The following XRCC1 variants were observed in gnomAD, a reference collection of about 807,000 sequenced individuals.
XRCC1 encodes the protein DNA repair protein XRCC1.
In XRCC1, 52 loss-of-function variants were observed where a neutral mutation model predicts 83.3. The ratio of observed to expected loss-of-function variants is 0.62; its 90% CI spans 0.50 to 0.79. The LOEUF is 0.79. XRCC1 is among the 30% of genes least tolerant of loss of function. The pLI is 0.00. For synonymous variants in XRCC1, 281 were observed against 312.6 expected (o/e 0.90, Z 1.07); for missense variants, 793 against 823.5 (o/e 0.96, Z 0.45).
chr19:43,545,406 C>T (rs1972498160), intron 14 of XRCC1, among the ~76,000 whole-genome samples: 1 of 152,224 alleles, frequency 6.6e-6, no homozygotes, highest in South Asian at 2.1e-4. Context: ...AAAGCAGACA[C>T]TGGTGTGCAC....
chr19:43,546,167 T>C lies in XRCC1; in HGVS notation c.1427-61A>G. ...TGTCTCCTGGGAAGACTGGCAGCTC[T>C]CCCAGTATGGCACAGACCCAGGCAT... is the stretch of plus-strand genomic sequence containing the variant. On this transcript the variant is annotated intron_variant, in intron 12 of 16. Coordinates refer to ENST00000262887, the MANE Select transcript of XRCC1 (RefSeq NM_006297.3). 3.1e-6 allele frequency: 5 copies of C among 1,593,092 alleles called. No homozygotes were observed. In the South Asian group the frequency reaches 5.5e-5, roughly 18 times the overall value.
rs145342527 is a variant in XRCC1, at chr19:43,543,471, C to T, written c.1823G>A (p.Arg608His). Residue 608 changes from arginine to histidine, a missense_variant, in exon 17 of 17, where the codon CGT becomes CAT. Coordinates refer to ENST00000262887, the MANE Select transcript of XRCC1 (RefSeq NM_006297.3). ...LMDNPSLAFVRPRWIYSCNEK... is the reference protein window; with the variant it reads ...LMDNPSLAFVHPRWIYSCNEK... ...ATTGCAACTGTAGATCCATCGGGGA[C>T]GAACGAATGCCAGGGAGGGGTTGTC... is the stretch of plus-strand genomic sequence containing the variant. 2.2e-5 allele frequency: 36 copies of T among 1,613,364 alleles called. No homozygotes were observed. The highest frequency in any genetic ancestry group is 2.0e-4 in the East Asian group (9 of 44,844).
intron 10 of XRCC1, 148 bp from the exon 11 acceptor site, chr19:43,547,125 G>A (rs964731909): frequency 1.8e-4 from 140 of 785,254 alleles, no homozygotes; most frequent in Non-Finnish European, 2.6e-4. Flanking sequence ...AGCTCAGGAA[G>A]GCCCCAGTGA....
intron 3 of XRCC1, among the ~76,000 whole-genome samples, chr19:43,559,344 A>G (rs565816414): frequency 1.3e-4 from 20 of 151,158 alleles, no homozygotes; most frequent in East Asian, 5.9e-4. Context: ...TTAGCCGGGC[A>G]TGGTGGCACG....
intron 3 of XRCC1, among the ~76,000 whole-genome samples, chr19:43,560,490 G>C (rs1972687049): frequency 6.6e-6 from 1 of 152,150 alleles, no homozygotes; most frequent in African/African-American, 2.4e-5. Context: ...TAGAGTGACA[G>C]GAGTGCTGGC....
At chr19:43,564,853 C>G (rs896256433) in intron 2 of XRCC1, among the ~76,000 whole-genome samples, 5 of 151,998 alleles carry the variant, frequency 3.3e-5, no homozygotes, top group Non-Finnish European at 7.4e-5. Context: ...AAGTCTGAAA[C>G]TCGGCCTTAC....
chr19:43,574,882 TGAG>T (rs1332846433), intron 2 of XRCC1, 25 bp downstream of exon 2: 9 of 1,584,090 alleles, frequency 5.7e-6, no homozygotes, highest in Non-Finnish European at 7.8e-6. Flanking sequence ...AGACTCCTAG[TGAG>T]GAGGAGGTGG....
intron 3 of XRCC1, among the ~76,000 whole-genome samples, chr19:43,559,411 T>C (rs1378545011): frequency 5.0e-5 from 6 of 120,402 alleles, no homozygotes; most frequent in Non-Finnish European, 9.6e-5. Context: ...ACCCGGGAGG[T>C]GGAGCTTGCA....
At chr19:43,555,758 T>A (rs772445865) in intron 3 of XRCC1, among the ~76,000 whole-genome samples, 3 of 152,242 alleles carry the variant, frequency 2.0e-5, no homozygotes, top group African/African-American at 4.8e-5. Flanking sequence ...TGGTTCTTTC[T>A]ATCAAATTAT....
chr19:43,563,684 T>C (rs1260444564), intron 2 of XRCC1, among the ~76,000 whole-genome samples: 1 of 152,050 alleles, frequency 6.6e-6, no homozygotes, highest in East Asian at 1.9e-4. Flanking sequence ...CTCAAACATA[T>C]CCATAGCTGG....
chr19:43,570,450 A>G (rs997844491), intron 2 of XRCC1, among the ~76,000 whole-genome samples: 2 of 152,196 alleles, frequency 1.3e-5, no homozygotes, highest in Non-Finnish European at 2.9e-5. Flanking sequence ...GAGATTTTGC[A>G]TAACAATAAT....
chr19:43,553,298 C>A, intron 6 of XRCC1, 103 bp downstream of exon 6: 1 of 1,364,494 alleles, frequency 7.3e-7, no homozygotes, highest in South Asian at 1.2e-5. Context: ...CACTACCCTC[C>A]TCCCTCAGAC....
Position 43,555,822 on chromosome 19 carries a change from C to T in XRCC1, c.256-1018G>A, listed in dbSNP as rs1000797176. On this transcript the variant is annotated intron_variant, in intron 3 of 16. Coordinates refer to ENST00000262887, the MANE Select transcript of XRCC1 (RefSeq NM_006297.3). Reference sequence around the variant, plus strand: ...CTCCGGGCAAGGACCCTGACTGACCCGGCAGCACTCATGTTGGTAGTTTGT... The same window carrying T: ...CTCCGGGCAAGGACCCTGACTGACCTGGCAGCACTCATGTTGGTAGTTTGT... Among the ~76,000 whole-genome samples, 5 of 152,272 alleles carry T rather than the reference C, an allele frequency of 3.3e-5. No homozygotes were observed. In the East Asian group the frequency reaches 9.6e-4, roughly 29 times the overall value.
intron 4 of XRCC1, 33 bp from the exon 5 acceptor site, chr19:43,553,716 G>C (rs769468417): frequency 1.3e-6 from 2 of 1,502,596 alleles, no homozygotes; most frequent in African/African-American, 2.8e-5. Context: ...CAGGGAGTCT[G>C]GCCCAAGGAC....
Position 43,548,562 on chromosome 19 carries a change from T to G in XRCC1, c.1200-1585A>C, listed in dbSNP as rs3213386. ...TGCAAGATGTGCTTTGTTAAACAGA[T>G]GCTTGAAGGCAGCATGCTCATTAAG... On this transcript the variant is annotated intron_variant, in intron 10 of 16. Transcript: ENST00000262887. Among the ~76,000 whole-genome samples, 20 of 152,268 alleles carry G rather than the reference T, an allele frequency of 1.3e-4. No homozygotes were observed. The East Asian group carries it at 1.7e-3, about 13-fold the overall frequency.
chr19:43,546,474 C>T, intron 12 of XRCC1, 121 bp downstream of exon 12: 1 of 1,203,912 alleles, frequency 8.3e-7, no homozygotes, highest in Admixed American at 2.4e-5. Context: ...GCTCTCTTCC[C>T]TCAGACTCAG....
intron 3 of XRCC1, among the ~76,000 whole-genome samples, chr19:43,560,161 C>T (rs1355664692): frequency 2.0e-5 from 3 of 151,322 alleles, no homozygotes; most frequent in Non-Finnish European, 4.4e-5. Context: ...GAGGCTGAGG[C>T]GGGCAGATGA....
intron 3 of XRCC1, among the ~76,000 whole-genome samples, chr19:43,559,288 C>T (rs1037632906): frequency 2.0e-5 from 3 of 151,532 alleles, no homozygotes; most frequent in African/African-American, 7.3e-5. Context: ...TCGAGACCAT[C>T]CTGGCTAACA....
intron 4 of XRCC1, among the ~76,000 whole-genome samples, chr19:43,554,338 C>T (rs1972613364): frequency 6.6e-6 from 1 of 152,148 alleles, no homozygotes; most frequent in Non-Finnish European, 1.5e-5. Flanking sequence ...TAATCAGACG[C>T]CAGATCTCCT....
Sources: gnomAD v4.1 joint callset for allele counts (sites outside exome capture counted in the v4.1 genomes callset) on GRCh38, gnomAD v4.1.1 for gene constraint, MANE v1.5 for transcripts, NCBI Gene and HGNC (gene_info 2026-07-23, HGNC 2026-07-21) for gene names.